Variants in SYT14 observed in about 807,000 individuals in gnomAD.
The protein encoded by SYT14 is synaptotagmin 14, also known as synaptotagmin-14.
In SYT14, 32 loss-of-function variants were observed where a neutral mutation model predicts 74.2. That is an observed-to-expected ratio of 0.43 (90% CI 0.33 to 0.58). The LOEUF (loss-of-function observed/expected upper bound fraction) is 0.58, where lower values mean the gene tolerates loss of function less well. Among genes scored for constraint, SYT14 ranks in the 20% least tolerant of loss-of-function variants. SYT14 has a pLI of 0.05. For synonymous variants in SYT14, 298 were observed against 337.7 expected (o/e 0.88, Z 1.29); for missense variants, 791 against 981.8 (o/e 0.81, Z 2.60).
At chr1:209,938,470 G>T (rs1300397570) in intron 1 of SYT14, among the ~76,000 whole-genome samples, 193 bp downstream of exon 1, 1 of 151,830 alleles carries the variant, frequency 6.6e-6, no homozygotes, top group African/African-American at 2.4e-5. Context: ...CGCCGGGCCC[G>T]ACTGGCTCGC....
rs113429017 is a variant in SYT14 at position 210,107,374 on chromosome 1, G to A, written c.2034+6913G>A. Among the ~76,000 whole-genome samples the A allele has an allele frequency of 7.9e-3, 1,206 of 152,300 alleles. 21 individuals carry two copies. The highest frequency in any genetic ancestry group is 0.028 in the African/African-American group (1,152 of 41,564). On this transcript the variant is annotated intron_variant, in intron 7 of 9. Coordinates refer to ENST00000637265, the Ensembl canonical transcript of SYT14. ...AAGGTGAAACTTGAGTGGAGAAACAGCCAAACCATATCATTCTACCCTTGG... is the reference window on the plus strand; with the variant it reads ...AAGGTGAAACTTGAGTGGAGAAACAACCAAACCATATCATTCTACCCTTGG...
chr1:210,108,870 A>G (rs1487161913), intron 7 of SYT14, among the ~76,000 whole-genome samples: 1 of 152,204 alleles, frequency 6.6e-6, no homozygotes, highest in African/African-American at 2.4e-5. Context: ...GAAGTGTTGA[A>G]GGATGGCAGA....
chr1:210,042,505 A>C lies in SYT14; in HGVS notation c.1312+21251A>C, dbSNP rs548807689. On this transcript the variant is annotated intron_variant, in intron 5 of 9. Transcript: ENST00000637265. ...TTTATGGTTTTAGGTCTTACATTTA[A>C]ATCTTTAATCCATCTTGAGTTAATT... Among the ~76,000 whole-genome samples the C allele has an allele frequency of 1.9e-4, 29 of 152,298 alleles. 1 individual carries two copies. Among genetic ancestry groups the C allele is most frequent in the Admixed American group, 8.5e-4 (13 of 15,290 alleles).
chr1:210,146,332 C>CA lies in SYT14; in HGVS notation c.2035-9380dup, dbSNP rs575101562. Among the ~76,000 whole-genome samples, 260 of 147,712 alleles carry CA rather than the reference C, an allele frequency of 1.8e-3. 2 individuals carry two copies. The highest frequency in any genetic ancestry group is 5.0e-3 in the African/African-American group (203 of 40,490). ...TGGGCAACAGAGTGAGACTCGGTCT[C>CA]AAAAAAAAAGAAAAAACAGTATATG... On this transcript the variant is annotated intron_variant, in intron 7 of 9. Coordinates refer to ENST00000637265, the Ensembl canonical transcript of SYT14.
chr1:210,114,858 T>G (rs1231007593), intron 7 of SYT14, among the ~76,000 whole-genome samples: 3 of 150,772 alleles, frequency 2.0e-5, no homozygotes, highest in Admixed American at 6.6e-5. Context: ...GGGACCTGGC[T>G]CGGCCTAGCA....
intron 5 of SYT14, among the ~76,000 whole-genome samples, chr1:210,028,810 A>G (rs1184015337): frequency 1.3e-5 from 2 of 152,152 alleles, no homozygotes; most frequent in Non-Finnish European, 2.9e-5. Context: ...TGGTGGCTCT[A>G]TGGCAATTCT....
rs1347452167 is a variant in SYT14, at chr1:209,981,439, CTTTTTCTTTTCT to C, written c.-486+28689_-486+28700del. ...ATTTCTTTTCTTTCTTTTTCTTTTTCTTTTTCTTTTCTTTTTTTTTTTTTTTTTTTGAGGCAG... is the reference window on the plus strand; with the variant it reads ...ATTTCTTTTCTTTCTTTTTCTTTTTCTTTTTTTTTTTTTTTTTTGAGGCAG... On this transcript the variant is annotated intron_variant, in intron 2 of 9. Coordinates refer to ENST00000637265, the Ensembl canonical transcript of SYT14. Among the ~76,000 whole-genome samples the C allele has an allele frequency of 9.9e-3, 1,231 of 124,064 alleles. 37 individuals are homozygous for C. The East Asian group carries it at 0.17, about 17-fold the overall frequency. 81.4% of individuals were successfully genotyped at this position (124,064 alleles called of 152,430 possible).
At chr1:210,089,045 A>G (rs1404244574) in intron 5 of SYT14, among the ~76,000 whole-genome samples, 1 of 151,988 alleles carries the variant, frequency 6.6e-6, no homozygotes, top group African/African-American at 2.4e-5. Flanking sequence ...CCATCCCCTG[A>G]CATGCCCCAG....
chr1:210,010,282 C>A (rs2080062770), intron 2 of SYT14, among the ~76,000 whole-genome samples: 1 of 152,126 alleles, frequency 6.6e-6, no homozygotes. Flanking sequence ...TTAATCTTTC[C>A]TGAATACACA....
chr1:209,953,099 C>G, intron 2 of SYT14: 1 of 1,311,484 alleles, frequency 7.6e-7, no homozygotes. Context: ...GACTTCTGTT[C>G]TATTACTGTA....
At chr1:210,060,378 T>C (rs1327964854) in intron 5 of SYT14, among the ~76,000 whole-genome samples, 1 of 118,552 alleles carries the variant, frequency 8.4e-6, no homozygotes, top group African/African-American at 4.2e-5. Flanking sequence ...ATATGTAAAG[T>C]TAACTTCAAA....
chr1:210,123,610 T>C (rs1308053184), intron 7 of SYT14, among the ~76,000 whole-genome samples: 1 of 152,188 alleles, frequency 6.6e-6, no homozygotes, highest in African/African-American at 2.4e-5. Flanking sequence ...AAGCAAAGAT[T>C]GCCCCATACT....
At chr1:210,092,816 C>T (rs950779157) in intron 5 of SYT14, among the ~76,000 whole-genome samples, 31 of 152,294 alleles carry the variant, frequency 2.0e-4, no homozygotes, top group African/African-American at 7.0e-4. Flanking sequence ...TGTATGGTTT[C>T]ATCTGTACCA....
chr1:210,069,910 C>T (rs1015835333), intron 5 of SYT14, among the ~76,000 whole-genome samples: 2 of 151,744 alleles, frequency 1.3e-5, no homozygotes, highest in African/African-American at 2.4e-5. Context: ...GATGGCATCT[C>T]TCTCTGGAAA....
At chr1:210,001,721 C>G (rs77405256) in intron 2 of SYT14, among the ~76,000 whole-genome samples, 1 of 152,034 alleles carries the variant, frequency 6.6e-6, no homozygotes, top group African/African-American at 2.4e-5. Context: ...CAGAGTTGCT[C>G]TTATTAAGAA....
chr1:210,140,884 T>A (rs1449011705), intron 7 of SYT14, among the ~76,000 whole-genome samples: 1 of 152,176 alleles, frequency 6.6e-6, no homozygotes, highest in African/African-American at 2.4e-5. Flanking sequence ...AGTACCACAC[T>A]TTCTTGATTA....
intron 7 of SYT14, among the ~76,000 whole-genome samples, chr1:210,108,215 G>A (rs2082194570): frequency 6.6e-6 from 1 of 152,080 alleles, no homozygotes; most frequent in Non-Finnish European, 1.5e-5. Flanking sequence ...GATTGTCTTG[G>A]GTGAGAAGAG....
intron 7 of SYT14, among the ~76,000 whole-genome samples, chr1:210,143,009 C>T (rs1454038122): frequency 6.6e-6 from 1 of 152,270 alleles, no homozygotes; most frequent in Middle Eastern, 3.4e-3. Flanking sequence ...TTAGGGCTAG[C>T]AACAGGTAGA....
intron 5 of SYT14, 116 bp from the exon 5 acceptor site, chr1:210,094,206 G>A: frequency 5.1e-6 from 7 of 1,363,126 alleles, no homozygotes; most frequent in Non-Finnish European, 5.1e-6. Context: ...AAATCTAATA[G>A]TTATGTTGCC....
Sources: gnomAD v4.1 joint callset for allele counts (sites outside exome capture counted in the v4.1 genomes callset) on GRCh38, gnomAD v4.1.1 for gene constraint, MANE v1.5 for transcripts, NCBI Gene and HGNC (gene_info 2026-07-23, HGNC 2026-07-21) for gene names.